The following RANBP2 variants were observed in gnomAD, a reference collection of about 807,000 sequenced individuals.
RANBP2 encodes E3 SUMO-protein ligase RanBP2.
In RANBP2, 57 loss-of-function variants were observed where a neutral mutation model predicts 303.6. That is an observed-to-expected ratio of 0.19 (90% CI 0.15 to 0.23). The LOEUF (loss-of-function observed/expected upper bound fraction) is 0.23. Among genes scored for constraint, RANBP2 ranks in the 10% least tolerant of loss-of-function variants. RANBP2 has a pLI of 1.00. For missense variants in RANBP2, 3,138 were observed against 3,780.8 expected, an observed-to-expected ratio of 0.83 and a Z score of 4.46; for synonymous variants, 1,167 against 1,301.5, an observed-to-expected ratio of 0.90 and a Z score of 2.23.
chr2:109,544,564 G>A, the RANBP2 span: 15 of 982,914 alleles, frequency 1.5e-5, no homozygotes, highest in Admixed American at 8.6e-4. Flanking sequence ...GGAGCAGGGT[G>A]ATAATTTTTA....
the RANBP2 span, chr2:108,989,266 C>T: frequency 6.5e-6 from 1 of 152,782 alleles, no homozygotes; most frequent in Non-Finnish European, 1.5e-5. Context: ...TGCAAACTCA[C>T]CTGCACCATC....
chr2:108,763,448 G>A lies in RANBP2; in HGVS notation c.2909G>A (p.Ser970Asn). Residue 970 changes from serine to asparagine, a missense_variant, in exon 20 of 29, where the codon AGC becomes AAC. Physicochemically the swap from Ser to Asn is conservative, Grantham distance 46. Around this residue, in one of 20 missense-constraint regions of RANBP2, gnomAD observed 403 missense variants for 376.7 expected, o/e 1.07. Coordinates refer to ENST00000283195, the MANE Select transcript of RANBP2 (RefSeq NM_006267.5). ...DYFNYNVQQT[S>N]TNPPLPEPGY... ...TTTAATTACAATGTTCAACAGACAA[G>A]CACAAATCCACCTTTGCCAGAACCA... The A allele has an allele frequency of 6.2e-7, 1 of 1,614,062 alleles. No homozygotes were observed. The highest frequency in any genetic ancestry group is 8.5e-7 in the Non-Finnish European group (1 of 1,179,974).
At chr2:109,093,758 C>T in the RANBP2 span, among the ~76,000 whole-genome samples, 1 of 151,918 alleles carries the variant, frequency 6.6e-6, no homozygotes, top group Non-Finnish European at 1.5e-5. Context: ...ATTTTTTCTT[C>T]TCAGTACACT....
chr2:108,907,722 T>G, the RANBP2 span: 1 of 955,546 alleles, frequency 1.0e-6, no homozygotes, highest in Non-Finnish European at 1.7e-6. Flanking sequence ...AACTTGTCAC[T>G]GTCCAGGTCT....
chr2:108,854,026 ATATTATATATAATATATAATAAAT>A, the RANBP2 span, among the ~76,000 whole-genome samples: 1 of 108,176 alleles, frequency 9.2e-6, no homozygotes, highest in Admixed American at 1.3e-4. Context: ...TAATAAATTT[ATATTATATATAATATATAATAAAT>A]TTATATTATA....
At chr2:109,529,929 A>C in the RANBP2 span, among the ~76,000 whole-genome samples, 1 of 152,048 alleles carries the variant, frequency 6.6e-6, no homozygotes, top group Non-Finnish European at 1.5e-5. Flanking sequence ...AATGAGTCTC[A>C]TGTGCTAGGT....
At chr2:109,084,393 T>C in the RANBP2 span, among the ~76,000 whole-genome samples, 2 of 152,216 alleles carry the variant, frequency 1.3e-5, no homozygotes, top group African/African-American at 4.8e-5. Context: ...CTACATTGAC[T>C]GATAGCAGCT....
chr2:109,274,693 T>C, the RANBP2 span, among the ~76,000 whole-genome samples: 1 of 152,242 alleles, frequency 6.6e-6, no homozygotes, highest in South Asian at 2.1e-4. Flanking sequence ...GATACAAATG[T>C]TCTGATAGAT....
chr2:108,736,138 A>G lies in RANBP2; in HGVS notation c.671A>G (p.Asp224Gly), dbSNP rs1204487529. ...YLESLQCLES[D>G]KSDWRATNTD... ...GAGTCTTTACAGTGTTTGGAGTCTG[A>G]TAAAAGTGACTGGCGAGCAACCAAT... The change falls in exon 6 of 29, where the codon GAT becomes GGT. Residue 224 changes from aspartate (D) to glycine (G), a missense_variant. By Grantham distance (94) the Asp-to-Gly change is moderately conservative. Around this residue, in one of 20 missense-constraint regions of RANBP2, gnomAD observed 306 missense variants for 381.9 expected, o/e 0.80. Transcript: ENST00000283195. 2 of 1,611,946 alleles carry G rather than the reference A, an allele frequency of 1.2e-6. No individual in the cohort carries two copies. Among genetic ancestry groups the G allele is most frequent in the East Asian group, 2.2e-5 (1 of 44,864 alleles).
chr2:109,221,600 AAAG>A, the RANBP2 span, among the ~76,000 whole-genome samples: 132 of 151,900 alleles, frequency 8.7e-4, no homozygotes, highest in African/African-American at 3.0e-3. Context: ...AAAAAAAAAA[AAAG>A]TGTGCATCTT....
the RANBP2 span, among the ~76,000 whole-genome samples, chr2:108,853,264 A>G: frequency 3.3e-5 from 5 of 152,298 alleles, no homozygotes; most frequent in South Asian, 8.3e-4. Flanking sequence ...GAGGTAGGTC[A>G]TGGTGTCATT....
the RANBP2 span, among the ~76,000 whole-genome samples, chr2:109,582,741 C>A: frequency 1.3e-5 from 2 of 152,246 alleles, no homozygotes; most frequent in Admixed American, 1.3e-4. Flanking sequence ...AGCAAAAGAA[C>A]AAAGCCTGAG....
the RANBP2 span, among the ~76,000 whole-genome samples, chr2:109,412,503 T>C: frequency 1.3e-5 from 2 of 152,198 alleles, no homozygotes; most frequent in African/African-American, 4.8e-5. Context: ...TCATCTTAGG[T>C]TCCCACTCTT....
chr2:109,647,638 T>C, the RANBP2 span, among the ~76,000 whole-genome samples: 1 of 151,772 alleles, frequency 6.6e-6, no homozygotes, highest in Non-Finnish European at 1.5e-5. Context: ...CCAGCTAATT[T>C]TTTGTATATT....
the RANBP2 span, among the ~76,000 whole-genome samples, chr2:109,066,903 A>C: frequency 6.6e-6 from 1 of 152,148 alleles, no homozygotes; most frequent in Non-Finnish European, 1.5e-5. Context: ...AGGCTGAGAG[A>C]TGTCCAGGGT....
At chr2:109,282,628 C>A in the RANBP2 span, among the ~76,000 whole-genome samples, 2 of 152,216 alleles carry the variant, frequency 1.3e-5, no homozygotes, top group Non-Finnish European at 1.5e-5. Context: ...CTCTCGCCTC[C>A]GTGGTGGGAG....
chr2:108,988,503 G>A, the RANBP2 span, among the ~76,000 whole-genome samples: 1 of 152,156 alleles, frequency 6.6e-6, no homozygotes, highest in Admixed American at 6.5e-5. Context: ...AGACACGACT[G>A]GAAACCCCAC....
At chr2:109,133,048 A>T in the RANBP2 span, among the ~76,000 whole-genome samples, 1 of 152,240 alleles carries the variant, frequency 6.6e-6, no homozygotes, top group African/African-American at 2.4e-5. Flanking sequence ...ATTATAGGTA[A>T]ACAAGACTGG....
chr2:108,856,133 T>C, the RANBP2 span, among the ~76,000 whole-genome samples: 1 of 152,290 alleles, frequency 6.6e-6, no homozygotes, highest in East Asian at 1.9e-4. Flanking sequence ...TGCTTCCCAA[T>C]CCTGGCCTTG....
Sources: allele counts gnomAD v4.1 joint callset (sites outside exome capture counted in the v4.1 genomes callset), GRCh38; gene constraint gnomAD v4.1.1; regional missense constraint gnomAD v4.1.1; transcripts MANE v1.5; gene names NCBI Gene and HGNC (gene_info 2026-07-23, HGNC 2026-07-21).